Variants in PTPRO observed in about 807,000 individuals in gnomAD.
PTPRO encodes protein tyrosine phosphatase receptor type O, also known as receptor-type tyrosine-protein phosphatase O.
A neutral mutation model predicts 145.2 loss-of-function variants in PTPRO; 62 were observed. That is an observed-to-expected ratio of 0.43 (90% CI 0.35 to 0.53). The LOEUF (loss-of-function observed/expected upper bound fraction) is 0.53, where lower values mean the gene tolerates loss of function less well. PTPRO is among the 20% of genes least tolerant of loss of function. The pLI is 0.01. For missense variants in PTPRO, 1,345 were observed against 1,482.7 expected (o/e 0.91, Z 1.53); for synonymous variants, 565 against 514.7 (o/e 1.10, Z -1.32).
At chr12:15,403,120 C>G in intron 1 of PTPRO, among the ~76,000 whole-genome samples, 1 of 152,000 alleles carries the variant, frequency 6.6e-6, no homozygotes, top group Non-Finnish European at 1.5e-5. Flanking sequence ...AAATTCAAAC[C>G]CCTTACTATG....
At chr12:15,326,140 A>C (rs142514901) in intron 1 of PTPRO, among the ~76,000 whole-genome samples, 12 of 152,234 alleles carry the variant, frequency 7.9e-5, no homozygotes, top group African/African-American at 2.4e-4. Context: ...ATACACACAC[A>C]CAAAGAAGTT....
intron 1 of PTPRO, among the ~76,000 whole-genome samples, chr12:15,391,934 C>T (rs1939199550): frequency 6.6e-6 from 1 of 152,144 alleles, no homozygotes; most frequent in South Asian, 2.1e-4. Context: ...CATATAACAG[C>T]CATCGACTGA....
chr12:15,415,270 C>T (rs938983202), intron 1 of PTPRO, among the ~76,000 whole-genome samples: 5 of 152,308 alleles, frequency 3.3e-5, no homozygotes, highest in African/African-American at 1.2e-4. Flanking sequence ...TGCTATGTCT[C>T]AGCTAATCAG....
intron 2 of PTPRO, among the ~76,000 whole-genome samples, chr12:15,486,110 C>T (rs917652040): frequency 6.6e-6 from 1 of 152,094 alleles, no homozygotes; most frequent in Non-Finnish European, 1.5e-5. Flanking sequence ...TCTATTTGTT[C>T]TAATAATGAC....
At chr12:15,477,720 A>G (rs1309108079) in intron 1 of PTPRO, among the ~76,000 whole-genome samples, 1 of 152,132 alleles carries the variant, frequency 6.6e-6, no homozygotes, top group Non-Finnish European at 1.5e-5. Flanking sequence ...CCACCAGGAC[A>G]GGGGCTGATG....
At chr12:15,469,464 A>T (rs539274259) in intron 1 of PTPRO, among the ~76,000 whole-genome samples, 64 of 152,316 alleles carry the variant, frequency 4.2e-4, no homozygotes, top group Non-Finnish European at 7.4e-4. Context: ...AATGTATTTT[A>T]TGGGTTCCTG....
intron 1 of PTPRO, among the ~76,000 whole-genome samples, chr12:15,435,557 C>T (rs918471028): frequency 6.8e-6 from 1 of 146,056 alleles, no homozygotes; most frequent in African/African-American, 2.6e-5. Flanking sequence ...TAGCAAAGCA[C>T]CTTTTTTTTT....
chr12:15,392,906 T>C (rs1939230312), intron 1 of PTPRO, among the ~76,000 whole-genome samples: 2 of 152,036 alleles, frequency 1.3e-5, no homozygotes. Flanking sequence ...AATGAGTGCC[T>C]CTTGTGAGGT....
At position 15,595,058 on chromosome 12, in the gene PTPRO, G is replaced by A. The variant is rs774509535; in HGVS notation, c.*16+1G>A. Reference sequence around the variant, plus strand: ...AAGTCCTAGTTCAGAATCCGGAGCAGTAAGTGGAGAAGAGCTCTCCACGAG... The same window carrying A: ...AAGTCCTAGTTCAGAATCCGGAGCAATAAGTGGAGAAGAGCTCTCCACGAG... On this transcript the variant is annotated splice_donor_variant, in intron 26 of 26. Coordinates refer to ENST00000281171, the MANE Select transcript of PTPRO (RefSeq NM_030667.3). LOFTEE classifies it low-confidence loss of function (3UTR_SPLICE). The A allele has an allele frequency of 3.2e-6, 5 of 1,586,730 alleles. No individual in the cohort carries two copies. In the East Asian group the frequency reaches 9.0e-5, roughly 28 times the overall value.
chr12:15,499,515 G>C lies in PTPRO; in HGVS notation c.582G>C (p.Leu194=). The C allele has an allele frequency of 6.2e-7, 1 of 1,613,608 alleles. No individual in the cohort carries two copies. Among genetic ancestry groups the C allele is most frequent in the Non-Finnish European group, 8.5e-7 (1 of 1,179,628 alleles). ...GMCYSNITFQ[L]VSEATFNKST... The stretch of plus-strand genomic sequence containing the variant: ...GTTATAGTAATATCACCTTTCAGCT[G>C]GTATCTGAGGCAACTTTTAATAAAA... Residue 194 remains leucine (L), a synonymous_variant, in exon 4 of 27, where the codon CTG becomes CTC. Coordinates refer to ENST00000281171, the MANE Select transcript of PTPRO (RefSeq NM_030667.3).
intron 1 of PTPRO, among the ~76,000 whole-genome samples, chr12:15,392,665 G>T (rs1245239571): frequency 2.9e-5 from 4 of 139,312 alleles, no homozygotes; most frequent in African/African-American, 1.1e-4. Context: ...AGGTTTCCAT[G>T]TGCTAAGATG....
At chr12:15,418,809 C>T (rs1419787367) in intron 1 of PTPRO, among the ~76,000 whole-genome samples, 1 of 151,398 alleles carries the variant, frequency 6.6e-6, no homozygotes, top group African/African-American at 2.4e-5. Flanking sequence ...TCTTTTTTTT[C>T]CCCTAAGCCT....
intron 1 of PTPRO, among the ~76,000 whole-genome samples, chr12:15,463,480 A>C (rs1341131453): frequency 6.6e-6 from 1 of 152,202 alleles, no homozygotes; most frequent in African/African-American, 2.4e-5. Flanking sequence ...AGAAGAAAAA[A>C]TGAAGATGGA....
At position 15,322,892 on chromosome 12, in the gene PTPRO, C is replaced by A; in HGVS notation, c.75+91C>A. ...CTCTGCCGTTGGGAGCGGCGCGCCC[C>A]AGGGCACGATGGCCCAGCCGCGGGA... On this transcript the variant is annotated intron_variant, in intron 1 of 26. Transcript: ENST00000281171. This position sits in a 1 kb window ranked among gnomAD's most constrained non-coding sequence, Gnocchi z 6.3. 7.3e-7 allele frequency: 1 copy of A among 1,369,264 alleles called. No homozygotes were observed. Among genetic ancestry groups the A allele is most frequent in the Non-Finnish European group, 1.0e-6 (1 of 989,658 alleles). 84.8% of individuals were successfully genotyped at this position (1,369,264 alleles called of 1,614,324 possible). A position where few individuals can be genotyped will look rare whatever the true frequency, so the allele number is the denominator to read the frequency against.
chr12:15,418,741 A>G (rs1415711653), intron 1 of PTPRO, among the ~76,000 whole-genome samples: 1 of 151,740 alleles, frequency 6.6e-6, no homozygotes, highest in Non-Finnish European at 1.5e-5. Context: ...GGCTGAGGCA[A>G]TGGAGTACTG....
intron 1 of PTPRO, among the ~76,000 whole-genome samples, chr12:15,371,866 TCTC>T (rs1477483226): frequency 6.6e-6 from 1 of 152,088 alleles, no homozygotes; most frequent in Non-Finnish European, 1.5e-5. Context: ...ACTCGGCACT[TCTC>T]CTCCTGGCCG....
At chr12:15,356,397 G>A (rs989188505) in intron 1 of PTPRO, among the ~76,000 whole-genome samples, 1 of 151,978 alleles carries the variant, frequency 6.6e-6, no homozygotes, top group Non-Finnish European at 1.5e-5. Flanking sequence ...TTCCCTAGAT[G>A]CTCTAATAAT....
Position 15,497,346 on chromosome 12 carries a change from A to T in PTPRO, c.451A>T (p.Thr151Ser). 6.2e-7 allele frequency: 1 copy of T among 1,612,666 alleles called. No homozygotes were observed. The highest frequency in any genetic ancestry group is 8.5e-7 in the Non-Finnish European group (1 of 1,178,828). ...IHYPEKYNVFTRVNISYWEGK... is the reference protein window; with the variant it reads ...IHYPEKYNVFSRVNISYWEGK... ...TTATCCAGAAAAATATAACGTTTTC[A>T]CAAGAGTGAACATTAGCTACTGGGA... is the stretch of plus-strand genomic sequence containing the variant. The change falls in exon 3 of 27, where the codon ACA (threonine) becomes TCA (serine). Residue 151 changes from threonine to serine, a missense_variant. By Grantham distance (58) the Thr-to-Ser change is moderately conservative. This residue lies in a region of PTPRO where 1,130 missense variants were observed against 1,214.7 expected (regional missense o/e 0.93). Transcript: ENST00000281171.
rs367573227 is a variant in PTPRO, at chr12:15,529,549, A to C, written c.2164+3287A>C. Reference sequence around the variant, plus strand: ...TCCCAGCTACTTGGGAGGCTGAGGCAGGAGGATCACTTTAGCCCAGGAGAT... The same window carrying C: ...TCCCAGCTACTTGGGAGGCTGAGGCCGGAGGATCACTTTAGCCCAGGAGAT... On this transcript the variant is annotated intron_variant, in intron 12 of 26. Coordinates refer to ENST00000281171, the MANE Select transcript of PTPRO (RefSeq NM_030667.3). Among the ~76,000 whole-genome samples, 250 of 152,130 alleles carry C rather than the reference A, an allele frequency of 1.6e-3. 1 individual carries two copies. The highest frequency in any genetic ancestry group is 5.9e-3 in the African/African-American group (245 of 41,506).
Sources: gnomAD v4.1 joint callset for allele counts (sites outside exome capture counted in the v4.1 genomes callset) on GRCh38, gnomAD v4.1.1 for gene constraint, gnomAD v4.1.1 regional missense constraint, Gnocchi (gnomAD v3.1) non-coding constraint, MANE v1.5 for transcripts, NCBI Gene and HGNC (gene_info 2026-07-23, HGNC 2026-07-21) for gene names.